MYO18B: variants seen among roughly 807,000 people sequenced by gnomAD.
MYO18B encodes the protein myosin XVIIIB.
A neutral mutation model predicts 273.0 loss-of-function variants in MYO18B; 204 were observed. The ratio of observed to expected loss-of-function variants is 0.75; its 90% confidence interval spans 0.67 to 0.84. MYO18B has a LOEUF of 0.84. Ranked by LOEUF, MYO18B falls within the 40% of genes least tolerant of loss-of-function variation. The pLI is 0.00. For synonymous variants in MYO18B, 1,330 were observed against 1,305.7 expected, an observed-to-expected ratio of 1.02 and a Z score of -0.40; for missense variants, 3,212 against 3,287.6, an observed-to-expected ratio of 0.98 and a Z score of 0.56.
chr22:25,985,236 C>T (rs1470634688), intron 39 of MYO18B, among the ~76,000 whole-genome samples: 1 of 152,140 alleles, frequency 6.6e-6, no homozygotes, highest in Non-Finnish European at 1.5e-5. Context: ...TGGCAGGTGC[C>T]TGTAATCCCA....
At chr22:25,761,243 C>G in intron 2 of MYO18B, 112 bp downstream of exon 2, 1 of 1,221,706 alleles carries the variant, frequency 8.2e-7, no homozygotes, top group Non-Finnish European at 1.2e-6. Context: ...TCCAGCCCTC[C>G]TAGTAGCATG....
Position 25,971,800 on chromosome 22 carries a change from G to A in MYO18B, c.6156+16436G>A, listed in dbSNP as rs140031348. On this transcript the variant is annotated intron_variant, in intron 39 of 43. Transcript: ENST00000335473. ...GTTGGGTCGACATTAAAGACTTGTTGTCTGTAAGCCAAAGACATGGCTGCA... is the reference window on the plus strand; with the variant it reads ...GTTGGGTCGACATTAAAGACTTGTTATCTGTAAGCCAAAGACATGGCTGCA... Among the ~76,000 whole-genome samples the A allele has an allele frequency of 5.6e-3, 854 of 152,282 alleles. 4 individuals carry two copies. Among genetic ancestry groups the A allele is most frequent in the African/African-American group, 0.02 (819 of 41,552 alleles).
rs370084344 is a variant in MYO18B at position 25,785,451 on chromosome 22, T to A, written c.2336T>A (p.Met779Lys). ...DLRTELNLHQ[M>K]ADSSSFGMGV... Reference sequence around the variant, plus strand: ...AGGACGGAGCTGAACCTGCACCAGATGGCAGATAGCAGCTCCTTTGGCATG... The same window carrying A: ...AGGACGGAGCTGAACCTGCACCAGAAGGCAGATAGCAGCTCCTTTGGCATG... Residue 779 changes from methionine to lysine, a missense_variant, in exon 11 of 44, where the codon ATG (methionine) becomes AAG (lysine). By Grantham distance (95) the Met-to-Lys change is moderately conservative. Transcript: ENST00000335473. 1 of 1,611,894 alleles carries A rather than the reference T, an allele frequency of 6.2e-7. No homozygotes were observed. Among genetic ancestry groups the A allele is most frequent in the East Asian group, 2.2e-5 (1 of 44,842 alleles).
chr22:25,980,738 G>A (rs937309733), intron 39 of MYO18B, among the ~76,000 whole-genome samples: 10 of 152,084 alleles, frequency 6.6e-5, no homozygotes, highest in African/African-American at 1.9e-4. Context: ...GCAAAGCAAC[G>A]GTGTTTAAAA....
the MYO18B span, among the ~76,000 whole-genome samples, chr22:26,053,276 C>T: frequency 2.0e-5 from 3 of 152,284 alleles, no homozygotes; most frequent in Admixed American, 2.0e-4. Context: ...TCCTCATCAT[C>T]ACTGCTACTA....
intron 42 of MYO18B, among the ~76,000 whole-genome samples, chr22:26,010,151 C>G (rs190283596): frequency 6.6e-6 from 1 of 152,080 alleles, no homozygotes; most frequent in African/African-American, 2.4e-5. Flanking sequence ...TACCCCCCAC[C>G]CAAACAAATA....
chr22:25,748,869 A>T (rs1204570195), intron 1 of MYO18B, among the ~76,000 whole-genome samples: 2 of 152,178 alleles, frequency 1.3e-5, no homozygotes, highest in Admixed American at 1.3e-4. Flanking sequence ...TGCTGGGCAA[A>T]GTCCCTTTTC....
At chr22:25,836,630 T>A (rs1179978199) in intron 17 of MYO18B, among the ~76,000 whole-genome samples, 1 of 152,096 alleles carries the variant, frequency 6.6e-6, no homozygotes, top group Non-Finnish European at 1.5e-5. Context: ...TGTCTGGATC[T>A]GAGACTCAGA....
intron 36 of MYO18B, among the ~76,000 whole-genome samples, chr22:25,948,497 T>C (rs2092750977): frequency 8.3e-5 from 11 of 131,886 alleles, no homozygotes; most frequent in African/African-American, 1.7e-4. Context: ...TCTTTCTTTC[T>C]TTCCTCTCTT....
chr22:25,911,766 T>C (rs574213256), intron 33 of MYO18B, among the ~76,000 whole-genome samples: 120 of 152,184 alleles, frequency 7.9e-4, no homozygotes, highest in Non-Finnish European at 1.2e-3. Context: ...GGAAAAAAAA[T>C]CAACTTCCCT....
intron 39 of MYO18B, among the ~76,000 whole-genome samples, chr22:25,977,295 A>ATTTGTATTTGTG (rs2093100868): frequency 2.2e-5 from 2 of 91,750 alleles, no homozygotes; most frequent in South Asian, 7.5e-4. Context: ...CTGTATTTGT[A>ATTTGTATTTGTG]TTTGTATTTG....
intron 1 of MYO18B, among the ~76,000 whole-genome samples, chr22:25,745,799 A>G (rs2085762916): frequency 2.0e-5 from 3 of 152,168 alleles, no homozygotes; most frequent in Non-Finnish European, 4.4e-5. Context: ...AAAAGATGGA[A>G]TGCATTTTCA....
intron 19 of MYO18B, 127 bp from the exon 20 acceptor site, chr22:25,847,303 C>G: frequency 2.9e-6 from 2 of 687,810 alleles, no homozygotes; most frequent in African/African-American, 3.6e-5. Flanking sequence ...GGTGGGAGCT[C>G]CTTGGTGTGG....
intron 22 of MYO18B, 105 bp from the exon 23 acceptor site, chr22:25,874,181 A>G: frequency 7.2e-7 from 1 of 1,384,604 alleles, no homozygotes; most frequent in African/African-American, 1.5e-5. Context: ...GCCAACAAAT[A>G]TTGCAGGTGG....
intron 29 of MYO18B, chr22:25,899,219 A>T (rs1166307646): frequency 1.3e-5 from 2 of 152,262 alleles, no homozygotes; most frequent in Non-Finnish European, 2.9e-5. Context: ...TCGCACACTC[A>T]TAGGCTTCTT....
Position 25,973,651 on chromosome 22 carries a change from A to C in MYO18B, c.6156+18287A>C, listed in dbSNP as rs568953540. ...AGATCCTCGGTCACACCAGCCACAC[A>C]TCAGGTGATCAATAGCTATGTGTGG... On this transcript the variant is annotated intron_variant, in intron 39 of 43. Coordinates refer to ENST00000335473, the MANE Select transcript of MYO18B (RefSeq NM_032608.7). Among the ~76,000 whole-genome samples the C allele has an allele frequency of 6.4e-4, 98 of 152,246 alleles. 1 individual carries two copies. Among genetic ancestry groups the C allele is most frequent in the Middle Eastern group, 3.2e-3 (1 of 316 alleles).
chr22:25,995,211 CACTT>C (rs1192648506), intron 40 of MYO18B, among the ~76,000 whole-genome samples: 1 of 152,186 alleles, frequency 6.6e-6, no homozygotes, highest in African/African-American at 2.4e-5. Context: ...CGCATATTCT[CACTT>C]ACTTGTGGGA....
intron 39 of MYO18B, among the ~76,000 whole-genome samples, chr22:25,991,845 A>C (rs1266698584): frequency 6.6e-6 from 1 of 152,212 alleles, no homozygotes; most frequent in East Asian, 1.9e-4. Flanking sequence ...GAGGGAGCCC[A>C]GCTGGGTTTT....
chr22:25,866,784 C>CAAAAAAAAAAAAAAAAAAAAAAAAAA (rs56260207), intron 21 of MYO18B, among the ~76,000 whole-genome samples: 1 of 40,168 alleles, frequency 2.5e-5, no homozygotes. Flanking sequence ...GACTCCGTCT[C>CAAAAAAAAAAAAAAAAAAAAAAAAAA]AAAAAAAAAA....
Sources: allele counts gnomAD v4.1 joint callset (sites outside exome capture counted in the v4.1 genomes callset), GRCh38; gene constraint gnomAD v4.1.1; transcripts MANE v1.5; gene names NCBI Gene and HGNC (gene_info 2026-07-23, HGNC 2026-07-21).